Variants in VRK2 observed in about 807,000 individuals in gnomAD.
VRK2 encodes serine/threonine-protein kinase VRK2.
In VRK2, 60 loss-of-function variants were observed where a neutral mutation model predicts 57.6. The ratio of observed to expected loss-of-function variants is 1.04; its 90% CI spans 0.85 to 1.29. VRK2 has a LOEUF of 1.29. Ranked by LOEUF, VRK2 falls within the 50% of genes most tolerant of loss-of-function variation. The pLI, the probability that VRK2 is intolerant of heterozygous loss-of-function variation, is 0.00. For synonymous variants in VRK2, 231 were observed against 199.2 expected, an observed-to-expected ratio of 1.16 and a Z score of -1.35; for missense variants, 705 against 588.1, an observed-to-expected ratio of 1.20 and a Z score of -2.06.
At position 58,103,633 on chromosome 2, in the gene VRK2, A is replaced by G. The variant is rs139432192; in HGVS notation, c.543+13910A>G. 2.5e-4 allele frequency among the ~76,000 whole-genome samples: 38 copies of G among 151,886 alleles called. 1 individual carries two copies. In the East Asian group the frequency reaches 7.3e-3, roughly 29 times the overall value. On this transcript the variant is annotated intron_variant, in intron 7 of 12. Coordinates refer to ENST00000340157, the MANE Select transcript of VRK2 (RefSeq NM_006296.7). ...TCTTAACAAACAAAAAAAGCCAGTA[A>G]CCAAATGGATTAATTGCCAAATTCT...
chr2:58,053,066 A>G (rs1675993622), intron 2 of VRK2, among the ~76,000 whole-genome samples: 1 of 152,188 alleles, frequency 6.6e-6, no homozygotes, highest in Non-Finnish European at 1.5e-5. Flanking sequence ...TGCCTGAGAA[A>G]TTGAGACTGA....
chr2:58,145,227 C>T (rs1681936765), intron 11 of VRK2, among the ~76,000 whole-genome samples: 1 of 151,946 alleles, frequency 6.6e-6, no homozygotes, highest in East Asian at 1.9e-4. Flanking sequence ...AGTCAGGCAT[C>T]CCCCAGATAT....
At chr2:57,940,431 C>G (rs1425884395) in intron 1 of VRK2, among the ~76,000 whole-genome samples, 1 of 152,160 alleles carries the variant, frequency 6.6e-6, no homozygotes, top group Non-Finnish European at 1.5e-5. Context: ...ATCTGCTTTA[C>G]TGAGTCCACT....
chr2:57,961,802 G>A (rs1671770484), intron 1 of VRK2, among the ~76,000 whole-genome samples: 1 of 152,160 alleles, frequency 6.6e-6, no homozygotes. Flanking sequence ...GTGGGCTGGG[G>A]GCAGTGGCTC....
Position 58,019,282 on chromosome 2 carries a change from T to C in VRK2, c.-438-6383T>C, listed in dbSNP as rs144457148. Among the ~76,000 whole-genome samples the C allele has an allele frequency of 1.3e-5, 2 of 152,364 alleles. 1 individual carries two copies. The highest frequency in any genetic ancestry group is 3.9e-4 in the East Asian group (2 of 5,188). ...CAAGTAACTATTAATACTTTAAGTG[T>C]CAGGGTAGTGCCTGCTTTAAGACTA... On this transcript the variant is annotated intron_variant, in intron 1 of 15. Coordinates refer to the VRK2 transcript ENST00000417641.
chr2:58,086,297 C>T (rs1671613463), intron 4 of VRK2, 42 bp from the exon 5 acceptor site: 1 of 1,528,200 alleles, frequency 6.5e-7, no homozygotes, highest in South Asian at 1.2e-5. Context: ...AGTATCTTTT[C>T]AAATAACATG....
intron 7 of VRK2, among the ~76,000 whole-genome samples, chr2:58,112,035 T>C (rs1675649066): frequency 6.6e-6 from 1 of 152,236 alleles, no homozygotes; most frequent in Non-Finnish European, 1.5e-5. Context: ...TGACCCCTAC[T>C]ATAGATTTAG....
At chr2:58,012,471 T>G (rs1007156853) in intron 1 of VRK2, among the ~76,000 whole-genome samples, 1 of 152,020 alleles carries the variant, frequency 6.6e-6, no homozygotes, top group Non-Finnish European at 1.5e-5. Flanking sequence ...GTTCAAGAGG[T>G]TTTTTTTAAG....
At chr2:57,973,618 C>CT (rs1344977645) in intron 1 of VRK2, among the ~76,000 whole-genome samples, 2 of 151,714 alleles carry the variant, frequency 1.3e-5, no homozygotes, top group Non-Finnish European at 2.9e-5. Context: ...GCAGCACTGT[C>CT]AAACTATGAA....
At chr2:57,970,771 C>G (rs1672072124) in intron 1 of VRK2, among the ~76,000 whole-genome samples, 3 of 151,902 alleles carry the variant, frequency 2.0e-5, no homozygotes. Context: ...CAAATGTCAA[C>G]TCATGACCAA....
chr2:58,042,053 C>T (rs1224173483), upstream of VRK2, among the ~76,000 whole-genome samples: 2 of 152,132 alleles, frequency 1.3e-5, no homozygotes, highest in African/African-American at 4.8e-5. Flanking sequence ...GTTCTCAGGA[C>T]CTCCTGAGGC....
At chr2:58,102,072 T>G (rs542634787) in intron 7 of VRK2, among the ~76,000 whole-genome samples, 1 of 151,726 alleles carries the variant, frequency 6.6e-6, no homozygotes, top group Non-Finnish European at 1.5e-5. Context: ...TTGGGAAAGA[T>G]CTACCCAATG....
At chr2:58,127,142 C>T (rs1678482381) in intron 8 of VRK2, among the ~76,000 whole-genome samples, 1 of 151,742 alleles carries the variant, frequency 6.6e-6, no homozygotes. Flanking sequence ...ATATTGCATA[C>T]TTTTTTTTAA....
At chr2:58,009,209 T>G (rs1673345385) in intron 1 of VRK2, among the ~76,000 whole-genome samples, 1 of 152,100 alleles carries the variant, frequency 6.6e-6, no homozygotes. Flanking sequence ...TTTCTTGTAC[T>G]GAAAAAACAA....
chr2:58,043,964 A>T (rs1344990687), upstream of VRK2, among the ~76,000 whole-genome samples: 1 of 152,138 alleles, frequency 6.6e-6, no homozygotes, highest in Non-Finnish European at 1.5e-5. Context: ...CAGCTTTTAA[A>T]TTTTTTATAC....
chr2:57,919,107 T>A (rs1670252046), intron 1 of VRK2, among the ~76,000 whole-genome samples: 1 of 152,030 alleles, frequency 6.6e-6, no homozygotes, highest in African/African-American at 2.4e-5. Flanking sequence ...CTGCAATAAA[T>A]CCTGTATAGA....
At chr2:58,131,215 C>T (rs917223450) in intron 8 of VRK2, among the ~76,000 whole-genome samples, 2 of 151,386 alleles carry the variant, frequency 1.3e-5, no homozygotes, top group African/African-American at 4.9e-5. Flanking sequence ...TTATCCAAAG[C>T]AGTAGATATA....
intron 7 of VRK2, among the ~76,000 whole-genome samples, chr2:58,119,476 CA>C (rs35693605): frequency 0.03 from 2,655 of 87,244 alleles, 20 homozygotes; most frequent in Middle Eastern, 0.048. Flanking sequence ...GACTCCATCT[CA>C]AAAAAAAAAA....
chr2:58,079,780 C>T (rs1379169070), intron 2 of VRK2, among the ~76,000 whole-genome samples: 1 of 151,882 alleles, frequency 6.6e-6, no homozygotes, highest in Non-Finnish European at 1.5e-5. Flanking sequence ...TCCAAGGAGC[C>T]CTGATTCATT....
Sources: allele counts gnomAD v4.1 joint callset (sites outside exome capture counted in the v4.1 genomes callset), GRCh38; gene constraint gnomAD v4.1.1; transcripts MANE v1.5; gene names NCBI Gene and HGNC (gene_info 2026-07-23, HGNC 2026-07-21).